Variants in GRM3 observed in about 807,000 individuals in gnomAD.
GRM3 encodes the protein metabotropic glutamate receptor 3.
In GRM3, 26 loss-of-function variants were observed where a neutral mutation model predicts 70.5. The ratio of observed to expected loss-of-function variants is 0.37; its 90% CI spans 0.27 to 0.51. The LOEUF is 0.51. GRM3 is among the 20% of genes least tolerant of loss of function. GRM3 has a pLI of 0.93. For missense variants in GRM3, 859 were observed against 1,123.8 expected, an observed-to-expected ratio of 0.76 and a Z score of 3.37; for synonymous variants, 443 against 434.9, an observed-to-expected ratio of 1.02 and a Z score of -0.23.
intron 1 of GRM3, among the ~76,000 whole-genome samples, chr7:86,756,188 C>T (rs1236058008): frequency 2.6e-5 from 4 of 152,154 alleles, no homozygotes; most frequent in Non-Finnish European, 5.9e-5. Context: ...AAGTGATTCT[C>T]CTGCCTCAGC....
At chr7:86,760,822 C>G (rs79889297) in intron 1 of GRM3, among the ~76,000 whole-genome samples, 1 of 151,986 alleles carries the variant, frequency 6.6e-6, no homozygotes, top group Non-Finnish European at 1.5e-5. Context: ...TCTAAAATGA[C>G]ATTAAATGTT....
intron 1 of GRM3, among the ~76,000 whole-genome samples, chr7:86,687,111 G>T (rs928943191): frequency 2.0e-5 from 3 of 151,890 alleles, no homozygotes; most frequent in Non-Finnish European, 2.9e-5. Context: ...GGAAATATAG[G>T]ATTCCATGAA....
chr7:86,832,394 G>T (rs1361754553), intron 3 of GRM3, among the ~76,000 whole-genome samples: 1 of 151,912 alleles, frequency 6.6e-6, no homozygotes, highest in Non-Finnish European at 1.5e-5. Context: ...GGGACTACAG[G>T]TGTGCCACCA....
Position 86,839,295 on chromosome 7 carries a change from T to C in GRM3, c.1781T>C (p.Val594Ala), listed in dbSNP as rs1326152366. The change falls in exon 4 of 6, where the codon GTT (valine) becomes GCT (alanine). Residue 594 changes from valine to alanine, a missense_variant. Val to Ala is a moderately conservative substitution (Grantham distance 64). Coordinates refer to ENST00000361669, the MANE Select transcript of GRM3 (RefSeq NM_000840.3). The surrounding 1 kb of genome is among the most constrained non-coding windows in gnomAD (Gnocchi z 4.5). ...ACLGFMCTCM[V>A]VTVFIKHNNT... ...CTGGGTTTTATGTGTACATGCATGG[T>C]TGTAACTGTTTTTATCAAGCACAAC... is the stretch of plus-strand genomic sequence containing the variant. 5 of 1,613,338 alleles carry C rather than the reference T, an allele frequency of 3.1e-6. No homozygotes were observed. Among genetic ancestry groups the C allele is most frequent in the South Asian group, 1.1e-5 (1 of 91,060 alleles).
chr7:86,828,383 T>C (rs1263918542), intron 3 of GRM3, among the ~76,000 whole-genome samples: 2 of 152,192 alleles, frequency 1.3e-5, no homozygotes, highest in Admixed American at 1.3e-4. Context: ...ATACACACTA[T>C]ATACACACTT....
chr7:86,704,779 T>C (rs1028317651), intron 1 of GRM3, among the ~76,000 whole-genome samples: 4 of 151,946 alleles, frequency 2.6e-5, no homozygotes, highest in Non-Finnish European at 5.9e-5. Flanking sequence ...TTCTACTGTT[T>C]CTTTGAAATT....
intron 2 of GRM3, among the ~76,000 whole-genome samples, chr7:86,767,633 T>A (rs532250257): frequency 6.7e-6 from 1 of 149,916 alleles, no homozygotes; most frequent in African/African-American, 2.4e-5. Context: ...TCCAGATGAA[T>A]GCCAGTCATT....
intron 3 of GRM3, among the ~76,000 whole-genome samples, chr7:86,805,105 C>T (rs1023398297): frequency 2.0e-5 from 3 of 151,978 alleles, no homozygotes; most frequent in African/African-American, 7.3e-5. Flanking sequence ...CAGAGTGAGA[C>T]CTTATCTCCA....
At chr7:86,737,409 G>T (rs906773908) in intron 1 of GRM3, among the ~76,000 whole-genome samples, 2 of 152,120 alleles carry the variant, frequency 1.3e-5, no homozygotes, top group African/African-American at 4.8e-5. Flanking sequence ...CTAATATTCC[G>T]ATGCTATGCT....
At chr7:86,827,690 T>C (rs1798262588) in intron 3 of GRM3, among the ~76,000 whole-genome samples, 1 of 152,092 alleles carries the variant, frequency 6.6e-6, no homozygotes, top group African/African-American at 2.4e-5. Flanking sequence ...ATTTTAGTAT[T>C]TTTAGTAGAG....
intron 1 of GRM3, among the ~76,000 whole-genome samples, chr7:86,709,565 C>A (rs1048233073): frequency 3.3e-5 from 5 of 151,910 alleles, no homozygotes; most frequent in African/African-American, 1.2e-4. Flanking sequence ...GTGGTACCTT[C>A]GGGGGGGTGG....
At position 86,745,658 on chromosome 7, in the gene GRM3, AT is replaced by A. The variant is rs201569657; in HGVS notation, c.-140-19344del. 2.0e-5 allele frequency among the ~76,000 whole-genome samples: 3 copies of A among 152,182 alleles called. No homozygotes were observed. The East Asian group carries it at 5.8e-4, about 30-fold the overall frequency. ...GGCTTTGGGCTTTTGGAGTGGAAAA[AT>A]TTTAGGTGGATTATGCTATATTATC... is the stretch of plus-strand genomic sequence containing the variant. On this transcript the variant is annotated intron_variant, in intron 1 of 5. Transcript: ENST00000361669.
rs547352208 is a variant in GRM3 at position 86,655,129 on chromosome 7, C to T, written c.-141+10257C>T. The stretch of plus-strand genomic sequence containing the variant: ...GTGTATCTTTCCAATCTGTCATCCT[C>T]AACATGAATATCTAGTCTACCCAGA... On this transcript the variant is annotated intron_variant, in intron 1 of 5. Transcript: ENST00000361669. Among the ~76,000 whole-genome samples the T allele has an allele frequency of 1.2e-3, 178 of 152,314 alleles. 2 individuals carry two copies. The highest frequency in any genetic ancestry group is 4.0e-3 in the African/African-American group (165 of 41,566).
chr7:86,738,618 A>G (rs932012935), intron 1 of GRM3, among the ~76,000 whole-genome samples: 4 of 152,200 alleles, frequency 2.6e-5, no homozygotes, highest in African/African-American at 9.6e-5. Context: ...CACTTTATGA[A>G]TATCAAAGCT....
rs546052528 is a variant in GRM3, at chr7:86,717,454, T to C, written c.-140-47552T>C. 2.0e-5 allele frequency among the ~76,000 whole-genome samples: 3 copies of C among 152,098 alleles called. No individual in the cohort carries two copies. The South Asian group carries it at 6.2e-4, about 32-fold the overall frequency. On this transcript the variant is annotated intron_variant, in intron 1 of 5. Coordinates refer to ENST00000361669, the MANE Select transcript of GRM3 (RefSeq NM_000840.3). ...AGCAAGTGGCTATCATTTGATCCTG[T>C]TTTATTCTGTTCACTTTCCTTCATC... is the stretch of plus-strand genomic sequence containing the variant.
chr7:86,657,064 T>C (rs1457337006), intron 1 of GRM3, among the ~76,000 whole-genome samples: 1 of 152,206 alleles, frequency 6.6e-6, no homozygotes, highest in Non-Finnish European at 1.5e-5. Flanking sequence ...TTAATTTTAA[T>C]CCATAAATGG....
chr7:86,833,418 G>T (rs995595451), intron 3 of GRM3, among the ~76,000 whole-genome samples: 23 of 118,538 alleles, frequency 1.9e-4, no homozygotes, highest in Non-Finnish European at 3.6e-4. Flanking sequence ...TAATAATAAA[G>T]AAAAAAAAGA....
At chr7:86,669,051 T>G (rs1013699394) in intron 1 of GRM3, among the ~76,000 whole-genome samples, 2 of 152,148 alleles carry the variant, frequency 1.3e-5, no homozygotes, top group Non-Finnish European at 2.9e-5. Context: ...TGGAGTCATC[T>G]AAGACTCAAG....
chr7:86,653,202 A>C (rs1234575245), intron 1 of GRM3, among the ~76,000 whole-genome samples: 1 of 152,200 alleles, frequency 6.6e-6, no homozygotes, highest in African/African-American at 2.4e-5. Context: ...TCTTATAAAT[A>C]CATGAATTCC....
Sources: allele counts gnomAD v4.1 joint callset (sites outside exome capture counted in the v4.1 genomes callset), GRCh38; gene constraint gnomAD v4.1.1; non-coding constraint Gnocchi (gnomAD v3.1); transcripts MANE v1.5; gene names NCBI Gene and HGNC (gene_info 2026-07-23, HGNC 2026-07-21).